SERPING1: variants seen among roughly 807,000 people sequenced by gnomAD.
SERPING1 encodes the protein serpin family G member 1, also known as plasma protease C1 inhibitor.
A neutral mutation model predicts 34.1 loss-of-function variants in SERPING1; 5 were observed. The ratio of observed to expected loss-of-function variants is 0.15; its 90% CI spans 0.08 to 0.31. The LOEUF is 0.31. SERPING1 is among the 10% of genes least tolerant of loss of function. The pLI, the probability that SERPING1 is intolerant of heterozygous loss-of-function variation, is 1.00. For synonymous variants in SERPING1, 225 were observed against 242.4 expected, an observed-to-expected ratio of 0.93 and a Z score of 0.67; for missense variants, 505 against 609.5, an observed-to-expected ratio of 0.83 and a Z score of 1.81.
chr11:57,606,078 A>G lies in SERPING1; in HGVS notation c.754A>G (p.Ser252Gly). 6.2e-7 allele frequency: 1 copy of G among 1,614,150 alleles called. No homozygotes were observed. The highest frequency in any genetic ancestry group is 8.5e-7 in the Non-Finnish European group (1 of 1,180,034). ...GTACAGCAGCAGCCCCAGAGTCCTA[A>G]GCAACAACAGTGACGCCAACTTGGA... ...TLYSSSPRVL[S>G]NNSDANLELI... Residue 252 changes from serine (S) to glycine (G), a missense_variant, in exon 5 of 8, where the codon AGC becomes GGC. Ser to Gly is a moderately conservative substitution (Grantham distance 56). Transcript: ENST00000278407.
Position 57,598,303 on chromosome 11 carries a change from G to A in SERPING1, c.33G>A (p.Leu11=). The change falls in exon 2 of 8, where the codon CTG becomes CTA. Residue 11 remains leucine (L), a synonymous_variant. Coordinates refer to ENST00000278407, the MANE Select transcript of SERPING1 (RefSeq NM_000062.3). ...CCAGGCTGACCCTGCTGACCCTCCT[G>A]CTGCTGCTGCTGGCTGGGGTATGTG... MASRLTLLTL[L]LLLLAGDRAS... 6.6e-7 allele frequency: 1 copy of A among 1,516,640 alleles called. No individual in the cohort carries two copies. The highest frequency in any genetic ancestry group is 8.9e-7 in the Non-Finnish European group (1 of 1,123,472). 93.9% of individuals were successfully genotyped at this position (1,516,640 alleles called of 1,614,324 possible).
At position 57,611,607 on chromosome 11, in the gene SERPING1, G is replaced by T. The variant is rs1055837595; in HGVS notation, c.1030-110G>T. 20 of 1,056,692 alleles carry T rather than the reference G, an allele frequency of 1.9e-5. No homozygotes were observed. The African/African-American group carries it at 2.5e-4, about 13-fold the overall frequency. 65.5% of individuals were successfully genotyped at this position (1,056,692 alleles called of 1,614,324 possible). ...GGAAGCTTAGGTCTGACTGATGCTTGTTGAAATACAGACTGTGGGAGCAGA... is the reference window on the plus strand; with the variant it reads ...GGAAGCTTAGGTCTGACTGATGCTTTTTGAAATACAGACTGTGGGAGCAGA... On this transcript the variant is annotated intron_variant, in intron 6 of 7. Transcript: ENST00000278407.
chr11:57,611,944 C>T lies in SERPING1; in HGVS notation c.1249+8C>T, dbSNP rs1945482200. The T allele has an allele frequency of 6.2e-7, 1 of 1,611,212 alleles. No individual in the cohort carries two copies. Among genetic ancestry groups the T allele is most frequent in the Non-Finnish European group, 8.5e-7 (1 of 1,177,912 alleles). ...CAATCATGGAGAAATTGGGTGAGCTCTGGCAGCTTAGGGTTACTCCCAGGC... is the reference window on the plus strand; with the variant it reads ...CAATCATGGAGAAATTGGGTGAGCTTTGGCAGCTTAGGGTTACTCCCAGGC... On this transcript the variant is annotated splice_region_variant and intron_variant, in intron 7 of 7. Coordinates refer to ENST00000278407, the MANE Select transcript of SERPING1 (RefSeq NM_000062.3).
chr11:57,613,881 G>A (rs1213586181), intron 7 of SERPING1, among the ~76,000 whole-genome samples: 1 of 152,092 alleles, frequency 6.6e-6, no homozygotes, highest in Non-Finnish European at 1.5e-5. Flanking sequence ...AAGGGATCTA[G>A]TAGCTCTGTG....
intron 7 of SERPING1, among the ~76,000 whole-genome samples, chr11:57,612,214 GT>G (rs1945485128): frequency 6.6e-6 from 1 of 152,066 alleles, no homozygotes; most frequent in Admixed American, 6.6e-5. Context: ...GCTCTCCTGA[GT>G]TTTTTCTATG....
chr11:57,612,323 C>T (rs944706906), intron 7 of SERPING1, among the ~76,000 whole-genome samples: 6 of 152,006 alleles, frequency 3.9e-5, no homozygotes, highest in African/African-American at 7.3e-5. Context: ...TCAGCCACCC[C>T]GTGGAATATG....
intron 6 of SERPING1, among the ~76,000 whole-genome samples, chr11:57,610,699 T>C (rs1945467996): frequency 6.6e-6 from 1 of 152,216 alleles, no homozygotes; most frequent in African/African-American, 2.4e-5. Context: ...GATAATTCTT[T>C]GTCCTGTGCA....
chr11:57,612,494 C>T (rs997264304), intron 7 of SERPING1, among the ~76,000 whole-genome samples: 2 of 151,286 alleles, frequency 1.3e-5, no homozygotes, highest in Admixed American at 6.6e-5. Context: ...CTGCAAGATC[C>T]GCCTCCCAGA....
At chr11:57,598,400 G>A (rs758650443) in intron 2 of SERPING1, 79 bp downstream of exon 2, 150 of 1,401,912 alleles carry the variant, frequency 1.1e-4, no homozygotes, top group Admixed American at 3.4e-4. Context: ...GGTGGCTGAG[G>A]ATTAACCCTT....
rs372255260 is a variant in SERPING1 at position 57,611,792 on chromosome 11, G to T, written c.1105G>T (p.Asp369Tyr). The T allele has an allele frequency of 6.2e-7, 1 of 1,614,242 alleles. No individual in the cohort carries two copies. The highest frequency in any genetic ancestry group is 8.5e-7 in the Non-Finnish European group (1 of 1,180,044). Residue 369 changes from aspartate (D) to tyrosine (Y), a missense_variant, in exon 7 of 8, where the codon GAC becomes TAC. Coordinates refer to ENST00000278407, the MANE Select transcript of SERPING1 (RefSeq NM_000062.3). ...CCAGAACCTGAAACATCGTCTTGAA[G>T]ACATGGAACAGGCTCTCAGCCCTTC... ...VPQNLKHRLE[D>Y]MEQALSPSVF... is the part of the protein sequence containing the mutation.
intron 2 of SERPING1, 113 bp downstream of exon 2, chr11:57,598,434 C>A: frequency 9.6e-7 from 1 of 1,037,476 alleles, no homozygotes; most frequent in South Asian, 1.4e-5. Context: ...ATGAGGAGAG[C>A]TCCTCTTGGG....
intron 4 of SERPING1, among the ~76,000 whole-genome samples, chr11:57,602,485 G>A (rs1308049048): frequency 6.6e-6 from 1 of 152,146 alleles, no homozygotes; most frequent in Non-Finnish European, 1.5e-5. Context: ...GGCTGGGCGT[G>A]GTGGCTCACA....
chr11:57,599,874 C>T lies in SERPING1; in HGVS notation c.52-5C>T, dbSNP rs1026657804. The T allele has an allele frequency of 5.6e-6, 9 of 1,614,152 alleles. No individual in the cohort carries two copies. Among genetic ancestry groups the T allele is most frequent in the Non-Finnish European group, 7.6e-6 (9 of 1,180,024 alleles). On this transcript the variant is annotated splice_polypyrimidine_tract_variant and splice_region_variant and intron_variant, in intron 2 of 7. Coordinates refer to ENST00000278407, the MANE Select transcript of SERPING1 (RefSeq NM_000062.3). ...AAAAATGAAACTCAGTTTCTTGAAC[C>T]ACAGGATAGAGCCTCCTCAAATCCA...
At chr11:57,604,267 ATTC>A (rs954772859) in intron 4 of SERPING1, among the ~76,000 whole-genome samples, 1 of 152,198 alleles carries the variant, frequency 6.6e-6, no homozygotes, top group Non-Finnish European at 1.5e-5. Context: ...TGGGACTCTA[ATTC>A]TTTTAATTTT....
At position 57,614,446 on chromosome 11, in the gene SERPING1, G is replaced by A. The variant is rs745853278; in HGVS notation, c.1368G>A (p.Ala456=). Residue 456 remains alanine, a synonymous_variant, in exon 8 of 8, where the codon GCG becomes GCA. Coordinates refer to ENST00000278407, the MANE Select transcript of SERPING1 (RefSeq NM_000062.3). ...AACTGACAGAGACTGGGGTGGAGGC[G>A]GCTGCAGCCTCCGCCATCTCTGTGG... ...VLELTETGVE[A]AAASAISVAR... The A allele has an allele frequency of 1.9e-5, 30 of 1,613,958 alleles. No individual in the cohort carries two copies. Among genetic ancestry groups the A allele is most frequent in the Admixed American group, 1.5e-4 (9 of 59,998 alleles).
intron 6 of SERPING1, among the ~76,000 whole-genome samples, chr11:57,607,866 G>A (rs1945428700): frequency 1.3e-5 from 2 of 152,202 alleles, no homozygotes; most frequent in Non-Finnish European, 2.9e-5. Flanking sequence ...CACCATGTTA[G>A]CCAAGCTGGT....
At chr11:57,598,828 C>T (rs1945316029) in intron 2 of SERPING1, among the ~76,000 whole-genome samples, 1 of 151,672 alleles carries the variant, frequency 6.6e-6, no homozygotes, top group African/African-American at 2.4e-5. Context: ...GGGTGGGGGT[C>T]AATAGCAGTG....
Position 57,602,024 on chromosome 11 carries a change from C to T in SERPING1, c.551-11C>T. ...CCTGCAAGTATCTTTCATCTCTGCC[C>T]TTTGTTGCAGGGGCTGGGGAGAACA... is the stretch of plus-strand genomic sequence containing the variant. On this transcript the variant is annotated splice_polypyrimidine_tract_variant and intron_variant, in intron 3 of 7. Transcript: ENST00000278407. 1 of 1,614,176 alleles carries T rather than the reference C, an allele frequency of 6.2e-7. No homozygotes were observed.
chr11:57,606,511 T>C lies in SERPING1; in HGVS notation c.993T>C (p.Pro331=), dbSNP rs1945412002. 1 of 1,614,206 alleles carries C rather than the reference T, an allele frequency of 6.2e-7. No individual in the cohort carries two copies. Among genetic ancestry groups the C allele is most frequent in the African/African-American group, 1.3e-5 (1 of 75,054 alleles). ...KVPMMNSKKY[P]VAHFIDQTLK... is the part of the protein sequence containing the mutation. ...CCATGATGAATAGCAAGAAGTACCC[T>C]GTGGCCCATTTCATTGACCAAACTT... The change falls in exon 6 of 8, where the codon CCT becomes CCC. Residue 331 remains proline, a synonymous_variant. Coordinates refer to ENST00000278407, the MANE Select transcript of SERPING1 (RefSeq NM_000062.3).
Sources: allele counts gnomAD v4.1 joint callset (sites outside exome capture counted in the v4.1 genomes callset), GRCh38; gene constraint gnomAD v4.1.1; transcripts MANE v1.5; gene names NCBI Gene and HGNC (gene_info 2026-07-23, HGNC 2026-07-21).